The following HELLS variants were observed in gnomAD, a reference collection of about 807,000 sequenced individuals.
HELLS encodes the protein lymphoid-specific helicase.
A neutral mutation model predicts 120.0 loss-of-function variants in HELLS; 32 were observed. The ratio of observed to expected loss-of-function variants is 0.27; its 90% confidence interval spans 0.20 to 0.36. The LOEUF is 0.36. HELLS is among the 10% of genes least tolerant of loss of function. The probability of loss-of-function intolerance (pLI) is 1.00; values close to 1 mark genes in which losing one functional copy is unlikely to be tolerated. For missense variants in HELLS, 650 were observed against 993.4 expected (o/e 0.65, Z 4.65); for synonymous variants, 341 against 323.4 (o/e 1.05, Z -0.58).
At chr10:94,585,733 A>G in intron 12 of HELLS, among the ~76,000 whole-genome samples, 1 of 149,588 alleles carries the variant, frequency 6.7e-6, no homozygotes, top group Non-Finnish European at 1.5e-5. Context: ...TATGACATCC[A>G]GGCAGGAGAG....
downstream of HELLS, among the ~76,000 whole-genome samples, chr10:94,603,676 A>G (rs1461373266): frequency 6.6e-6 from 1 of 152,062 alleles, no homozygotes; most frequent in Non-Finnish European, 1.5e-5. Flanking sequence ...TTTAATCCAA[A>G]TTTACTTCTT....
At chr10:94,549,092 C>A (rs1283041469) in intron 2 of HELLS, among the ~76,000 whole-genome samples, 1 of 151,954 alleles carries the variant, frequency 6.6e-6, no homozygotes, top group East Asian at 1.9e-4. Flanking sequence ...TTGTTATGTA[C>A]AGATAAGGAA....
intron 12 of HELLS, among the ~76,000 whole-genome samples, chr10:94,583,388 T>C (rs1286991994): frequency 6.6e-6 from 1 of 152,160 alleles, no homozygotes; most frequent in Admixed American, 6.5e-5. Context: ...CTTGCATGGC[T>C]GCTGTCTAAT....
intron 12 of HELLS, among the ~76,000 whole-genome samples, chr10:94,585,688 G>A: frequency 6.7e-6 from 1 of 149,408 alleles, no homozygotes; most frequent in East Asian, 2.0e-4. Context: ...CTGGCCAACA[G>A]ATTTTTTTTT....
At chr10:94,568,951 C>T (rs1044319919) in intron 6 of HELLS, among the ~76,000 whole-genome samples, 5 of 151,614 alleles carry the variant, frequency 3.3e-5, no homozygotes, top group African/African-American at 9.7e-5. Context: ...AAGCGATTCT[C>T]CTGCCTCATC....
chr10:94,573,944 C>A lies in HELLS; in HGVS notation c.478-16C>A. The A allele has an allele frequency of 6.6e-7, 1 of 1,509,830 alleles. No homozygotes were observed. 93.5% of individuals were successfully genotyped at this position (1,509,830 alleles called of 1,614,324 possible). On this transcript the variant is annotated splice_polypyrimidine_tract_variant and intron_variant, in intron 7 of 21. Coordinates refer to ENST00000348459, the MANE Select transcript of HELLS (RefSeq NM_018063.5). ...ATTTTGTATAACACATCTTATTAAA[C>A]TTTTTTTCTCTACAGGATGAAAACT...
chr10:94,566,508 A>AC (rs1405089238), intron 6 of HELLS, among the ~76,000 whole-genome samples: 16 of 152,198 alleles, frequency 1.1e-4, no homozygotes, highest in African/African-American at 3.4e-4. Context: ...CTGTCGATGT[A>AC]AGCATGGTCA....
At chr10:94,594,963 C>A in intron 19 of HELLS, 109 bp downstream of exon 19, 1 of 798,938 alleles carries the variant, frequency 1.3e-6, no homozygotes, top group Non-Finnish European at 2.0e-6. Context: ...AGTTCTGTGT[C>A]TCACACCTGT....
intron 3 of HELLS, among the ~76,000 whole-genome samples, chr10:94,555,266 G>A (rs1025226285): frequency 6.6e-6 from 1 of 151,986 alleles, no homozygotes; most frequent in African/African-American, 2.4e-5. Flanking sequence ...GTGAAAACCC[G>A]TCTCTACCAA....
chr10:94,565,430 T>A (rs2134026766), intron 6 of HELLS, among the ~76,000 whole-genome samples: 1 of 152,358 alleles, frequency 6.6e-6, no homozygotes, highest in Non-Finnish European at 1.5e-5. Flanking sequence ...GGCTCATACC[T>A]GTAAACCCCG....
In HELLS at chr10:94,574,026, A is replaced by G. The variant is rs1844315147; in HGVS notation, c.544A>G (p.Ile182Val). Residue 182 changes from isoleucine (I) to valine (V), a missense_variant, in exon 8 of 22, where the codon ATA (isoleucine) becomes GTA (valine). Physicochemically the swap from Ile to Val is conservative, Grantham distance 29. Coordinates refer to ENST00000348459, the MANE Select transcript of HELLS (RefSeq NM_018063.5). The part of the protein sequence containing the change: ...DLQKNKDSNS[I>V]IKDRLSETVR... ...TCAGAAAAATAAAGATTCGAATAGT[A>G]TAATTAAAGATAGATTGTCTGAAAC... 6.2e-7 allele frequency: 1 copy of G among 1,610,768 alleles called. No homozygotes were observed. Among genetic ancestry groups the G allele is most frequent in the Non-Finnish European group, 8.5e-7 (1 of 1,176,972 alleles).
intron 3 of HELLS, among the ~76,000 whole-genome samples, chr10:94,556,643 A>G (rs1324838598): frequency 6.6e-6 from 1 of 152,094 alleles, no homozygotes; most frequent in African/African-American, 2.4e-5. Flanking sequence ...CAGATAGCCA[A>G]TTGATCTGTT....
chr10:94,574,483 AGAAAT>A, intron 8 of HELLS, 66 bp from the exon 9 acceptor site: 1 of 1,162,954 alleles, frequency 8.6e-7, no homozygotes, highest in Non-Finnish European at 1.3e-6. Context: ...TTTAAAGAGA[AGAAAT>A]AAAATATTGT....
intron 4 of HELLS, among the ~76,000 whole-genome samples, chr10:94,561,128 T>A (rs1332270703): frequency 6.6e-6 from 1 of 151,604 alleles, no homozygotes; most frequent in African/African-American, 2.4e-5. Flanking sequence ...GAGACTTACC[T>A]AGGGCTTTTC....
intron 3 of HELLS, among the ~76,000 whole-genome samples, chr10:94,556,076 C>T (rs1438010714): frequency 6.6e-6 from 1 of 152,186 alleles, no homozygotes; most frequent in Non-Finnish European, 1.5e-5. Context: ...CGACTTGGGC[C>T]TTGCGATTGG....
intron 2 of HELLS, among the ~76,000 whole-genome samples, chr10:94,553,637 C>A (rs1228705323): frequency 2.8e-5 from 4 of 144,812 alleles, no homozygotes; most frequent in Non-Finnish European, 6.0e-5. Context: ...GCCTCTGCCT[C>A]CCCCGGGTTC....
chr10:94,546,623 T>G, intron 2 of HELLS, 125 bp downstream of exon 2: 1 of 1,031,744 alleles, frequency 9.7e-7, no homozygotes, highest in East Asian at 2.4e-5. Context: ...AGAAAACAGC[T>G]TTATTACTTG....
chr10:94,568,987 A>G (rs1022181076), intron 6 of HELLS, among the ~76,000 whole-genome samples: 1 of 151,492 alleles, frequency 6.6e-6, no homozygotes, highest in African/African-American at 2.4e-5. Context: ...GATTACAGGC[A>G]TGTGCCATCA....
intron 12 of HELLS, among the ~76,000 whole-genome samples, chr10:94,586,426 T>C (rs1489845496): frequency 6.6e-6 from 1 of 152,216 alleles, no homozygotes; most frequent in African/African-American, 2.4e-5. Context: ...CGGCCGGACA[T>C]GTTTTAACAT....
Sources: gnomAD v4.1 joint callset for allele counts (sites outside exome capture counted in the v4.1 genomes callset) on GRCh38, gnomAD v4.1.1 for gene constraint, MANE v1.5 for transcripts, NCBI Gene and HGNC (gene_info 2026-07-23, HGNC 2026-07-21) for gene names.